COL4A4: variants seen among roughly 807,000 people sequenced by gnomAD.
The protein encoded by COL4A4 is collagen type IV alpha 4 chain.
A neutral mutation model predicts 192.9 loss-of-function variants in COL4A4; 105 were observed. That is an observed-to-expected ratio of 0.54 (90% CI 0.46 to 0.64). The LOEUF (loss-of-function observed/expected upper bound fraction) is 0.64. Ranked by LOEUF, COL4A4 falls within the 30% of genes least tolerant of loss-of-function variation. The pLI is 0.00. For missense variants in COL4A4, 1,967 were observed against 2,169.3 expected, an observed-to-expected ratio of 0.91 and a Z score of 1.85; for synonymous variants, 762 against 769.9, an observed-to-expected ratio of 0.99 and a Z score of 0.17.
intron 45 of COL4A4, among the ~76,000 whole-genome samples, chr2:227,011,884 A>G (rs996472953): frequency 2.0e-5 from 3 of 152,224 alleles, no homozygotes; most frequent in African/African-American, 7.2e-5. Context: ...CATGACCTTG[A>G]AAAGTGAACT....
At chr2:227,113,451 C>T (rs917230414) in intron 8 of COL4A4, among the ~76,000 whole-genome samples, 1 of 152,152 alleles carries the variant, frequency 6.6e-6, no homozygotes, top group African/African-American at 2.4e-5. Flanking sequence ...TAATATGGGA[C>T]ATTACCATTT....
At chr2:227,089,611 A>ATATATATATATATATATATATATATATT (rs1491267361) in intron 21 of COL4A4, among the ~76,000 whole-genome samples, 2 of 119,652 alleles carry the variant, frequency 1.7e-5, no homozygotes, top group African/African-American at 8.5e-5. Flanking sequence ...ATATATATAC[A>ATATATATATATATATATATATATATATT]TACATATATA....
intron 26 of COL4A4, among the ~76,000 whole-genome samples, chr2:227,060,512 A>G (rs781248128): frequency 8.5e-5 from 13 of 152,174 alleles, no homozygotes; most frequent in Non-Finnish European, 1.8e-4. Context: ...TTGTACCACC[A>G]TTCAGGTGAC....
chr2:227,103,364 T>C (rs2060634015), intron 13 of COL4A4, among the ~76,000 whole-genome samples, 167 bp from the exon 14 acceptor site: 1 of 152,160 alleles, frequency 6.6e-6, no homozygotes, highest in African/African-American at 2.4e-5. Context: ...AACCAGATAC[T>C]ATTTGAGCCA....
intron 5 of COL4A4, 197 bp downstream of exon 5, chr2:227,120,817 T>C: frequency 1.6e-6 from 1 of 622,794 alleles, no homozygotes; most frequent in South Asian, 1.9e-5. Flanking sequence ...TATGTGCCTG[T>C]AATCCCAGCT....
At chr2:227,114,517 A>G (rs2061383738) in intron 8 of COL4A4, 111 bp downstream of exon 8, 5 of 856,684 alleles carry the variant, frequency 5.8e-6, no homozygotes, top group Non-Finnish European at 1.0e-5. Context: ...AATGATAAAA[A>G]TTGGTGTATT....
chr2:227,061,691 T>C (rs1977096107), intron 26 of COL4A4, among the ~76,000 whole-genome samples: 1 of 152,168 alleles, frequency 6.6e-6, no homozygotes, highest in Non-Finnish European at 1.5e-5. Flanking sequence ...AATGAACGGG[T>C]AGGGAACTCT....
intron 20 of COL4A4, among the ~76,000 whole-genome samples, chr2:227,092,403 A>G (rs1174551967): frequency 6.6e-6 from 1 of 152,164 alleles, no homozygotes; most frequent in African/African-American, 2.4e-5. Flanking sequence ...AAGAGAGAGG[A>G]TGGAGGAAAG....
At chr2:227,039,351 T>C (rs1314626166) in intron 37 of COL4A4, among the ~76,000 whole-genome samples, 1 of 152,084 alleles carries the variant, frequency 6.6e-6, no homozygotes, top group Non-Finnish European at 1.5e-5. Context: ...ATTTTTTTAG[T>C]ACAGATGGGG....
At chr2:227,097,021 T>C (rs2060240074) in intron 19 of COL4A4, among the ~76,000 whole-genome samples, 1 of 152,208 alleles carries the variant, frequency 6.6e-6, no homozygotes. Flanking sequence ...GATACACTCC[T>C]GTGCTTAGAA....
the COL4A4 span, among the ~76,000 whole-genome samples, chr2:226,976,680 G>A: frequency 1.3e-5 from 2 of 152,140 alleles, no homozygotes; most frequent in East Asian, 1.9e-4. Flanking sequence ...TTGAGAGGAG[G>A]AGAGAAGGGA....
intron 12 of COL4A4, among the ~76,000 whole-genome samples, chr2:227,105,024 ATTTGT>A (rs1215759587): frequency 2.0e-5 from 3 of 152,098 alleles, no homozygotes; most frequent in East Asian, 1.9e-4. Context: ...TGAATAAACA[ATTTGT>A]TTTATGTTTA....
chr2:227,011,164 G>A (rs138024771), intron 45 of COL4A4, among the ~76,000 whole-genome samples: 1 of 152,336 alleles, frequency 6.6e-6, no homozygotes, highest in South Asian at 2.1e-4. Flanking sequence ...CTAAGGGGCT[G>A]AACTATTGCA....
chr2:226,995,800 C>T, the COL4A4 span: 5 of 440,360 alleles, frequency 1.1e-5, no homozygotes, highest in Non-Finnish European at 2.0e-5. Context: ...ACTGCTGACT[C>T]AGCGATGCCT....
At chr2:227,133,997 T>C (rs7592500) in intron 4 of COL4A4, among the ~76,000 whole-genome samples, 68,541 of 152,076 alleles carry the variant, frequency 0.45, 15,673 homozygotes, top group Non-Finnish European at 0.47. Context: ...TGCAAGTTTT[T>C]TATTCTTCAG....
chr2:227,091,100 A>G (rs2150636431), intron 20 of COL4A4, among the ~76,000 whole-genome samples: 1 of 152,168 alleles, frequency 6.6e-6, no homozygotes, highest in South Asian at 2.1e-4. Flanking sequence ...TCCCCGCCAA[A>G]AAAACCTAGA....
intron 17 of COL4A4, 88 bp from the exon 18 acceptor site, chr2:227,099,777 G>T: frequency 9.0e-7 from 1 of 1,116,528 alleles, no homozygotes; most frequent in Non-Finnish European, 1.3e-6. Context: ...ACGATCATGT[G>T]CACATTCATA....
chr2:227,124,569 C>A (rs760721089), intron 4 of COL4A4, among the ~76,000 whole-genome samples: 4 of 152,062 alleles, frequency 2.6e-5, no homozygotes, highest in African/African-American at 9.7e-5. Context: ...ATGCTAAAAG[C>A]TTAGAATTTT....
At chr2:227,064,930 G>C (rs914841180) in intron 25 of COL4A4, among the ~76,000 whole-genome samples, 3 of 152,196 alleles carry the variant, frequency 2.0e-5, no homozygotes, top group South Asian at 2.1e-4. Flanking sequence ...CTCCCAGCGC[G>C]CGCGACGCAG....
Sources: allele counts gnomAD v4.1 joint callset (sites outside exome capture counted in the v4.1 genomes callset), GRCh38; gene constraint gnomAD v4.1.1; transcripts MANE v1.5; gene names NCBI Gene and HGNC (gene_info 2026-07-23, HGNC 2026-07-21).